PRKAR1A: variants seen among roughly 807,000 people sequenced by gnomAD.
PRKAR1A encodes the protein cAMP-dependent protein kinase type I-alpha regulatory subunit.
In PRKAR1A, 3 loss-of-function variants were observed where a neutral mutation model predicts 52.0. The ratio of observed to expected loss-of-function variants is 0.06; its 90% CI spans 0.03 to 0.15. The LOEUF (loss-of-function observed/expected upper bound fraction) is 0.15, where lower values mean the gene tolerates loss of function less well. Ranked by LOEUF, PRKAR1A falls within the 10% of genes least tolerant of loss-of-function variation. PRKAR1A has a pLI of 1.00. For missense variants in PRKAR1A, 240 were observed against 477.4 expected, an observed-to-expected ratio of 0.50 and a Z score of 4.63; for synonymous variants, 188 against 168.4, an observed-to-expected ratio of 1.12 and a Z score of -0.90.
the PRKAR1A span, chr17:68,433,670 T>A: frequency 2.1e-6 from 2 of 954,824 alleles, no homozygotes; most frequent in Non-Finnish European, 1.6e-6. Context: ...ATCAGATGTA[T>A]CCTGAAGAGC....
At chr17:68,491,500 A>G in the PRKAR1A span, among the ~76,000 whole-genome samples, 1 of 152,160 alleles carries the variant, frequency 6.6e-6, no homozygotes, top group Admixed American at 6.5e-5. Context: ...CCTCCCTGCA[A>G]GATTTGAATA....
intron 2 of PRKAR1A, among the ~76,000 whole-genome samples, chr17:68,522,552 G>A (rs558728826): frequency 1.3e-5 from 2 of 152,278 alleles, no homozygotes; most frequent in East Asian, 3.9e-4. Flanking sequence ...GATAGCATCT[G>A]TTATCATCTG....
the PRKAR1A span, among the ~76,000 whole-genome samples, chr17:68,478,873 A>G: frequency 9.2e-5 from 14 of 152,104 alleles, no homozygotes; most frequent in African/African-American, 3.4e-4. Context: ...GATTACAGGC[A>G]CACGCCACCA....
Position 68,530,167 on chromosome 17 carries a change from A to G in PRKAR1A, c.974-110A>G, listed in dbSNP as rs2085930827. ...TGAGATTTTGATCTTTACTCATTTA[A>G]TGAAATTACTGATTGTCTCATATCT... On this transcript the variant is annotated intron_variant, in intron 10 of 10. Coordinates refer to ENST00000589228, the MANE Select transcript of PRKAR1A (RefSeq NM_002734.5). 7 of 1,510,096 alleles carry G rather than the reference A, an allele frequency of 4.6e-6. No homozygotes were observed. In the South Asian group the frequency reaches 6.8e-5, roughly 15 times the overall value. 93.5% of individuals were successfully genotyped at this position (1,510,096 alleles called of 1,614,324 possible).
chr17:68,543,832 A>T (rs2086423207), intron 11 of PRKAR1A: 9 of 929,738 alleles, frequency 9.7e-6, no homozygotes, highest in Non-Finnish European at 1.6e-5. Context: ...TATGCTTTTC[A>T]TGTACACACA....
Position 68,542,301 on chromosome 17 carries a change from A to G in PRKAR1A, c.974-8783A>G, listed in dbSNP as rs2086337052. 1.2e-5 allele frequency: 12 copies of G among 997,766 alleles called. No individual in the cohort carries two copies. The South Asian group carries it at 1.8e-4, about 15-fold the overall frequency. The allele number at this position is 997,766 out of a possible 1,614,324, so 61.8% of individuals were successfully genotyped here. A position where few individuals can be genotyped will look rare whatever the true frequency, so the allele number is the denominator to read the frequency against. On this transcript the variant is annotated intron_variant, in intron 11 of 11. Coordinates refer to the PRKAR1A transcript ENST00000585981. Reference sequence around the variant, plus strand: ...CGGGAAGAGAAAGAAGAAGAAGGAAACATTGACTTTTCCAGAAGTGAGGGT... The same window carrying G: ...CGGGAAGAGAAAGAAGAAGAAGGAAGCATTGACTTTTCCAGAAGTGAGGGT...
chr17:68,481,611 C>A, the PRKAR1A span, among the ~76,000 whole-genome samples: 1 of 152,146 alleles, frequency 6.6e-6, no homozygotes, highest in Non-Finnish European at 1.5e-5. Flanking sequence ...GGTTGGGTAC[C>A]CCTGCATTAA....
chr17:68,501,947 T>A, the PRKAR1A span, among the ~76,000 whole-genome samples: 1 of 152,224 alleles, frequency 6.6e-6, no homozygotes, highest in Non-Finnish European at 1.5e-5. Context: ...GTCCTTCCTG[T>A]CTCCTCCTTA....
intron 9 of PRKAR1A, 119 bp downstream of exon 9, chr17:68,529,110 G>C: frequency 8.2e-7 from 1 of 1,224,042 alleles, no homozygotes; most frequent in Middle Eastern, 2.8e-4. Flanking sequence ...TATAGCTTTA[G>C]TTTTTAAGAA....
Position 68,529,927 on chromosome 17 carries a change from C to G in PRKAR1A, c.899C>G (p.Ala300Gly), listed in dbSNP as rs765989838. The part of the protein sequence containing the change: ...DEFFIILEGS[A>G]AVLQRRSENE... ...TTGGTGATTTTATTATAGGGGTCAG[C>G]TGCTGTGCTACAACGTCGGTCAGAA... Residue 300 changes from alanine to glycine, a missense_variant, in exon 10 of 11, where the codon GCT becomes GGT. Transcript: ENST00000589228. 5 of 1,614,048 alleles carry G rather than the reference C, an allele frequency of 3.1e-6. No homozygotes were observed. The South Asian group carries it at 4.4e-5, about 14-fold the overall frequency.
At chr17:68,506,301 A>C in the PRKAR1A span, among the ~76,000 whole-genome samples, 1 of 151,898 alleles carries the variant, frequency 6.6e-6, no homozygotes, top group African/African-American at 2.4e-5. Context: ...CCTCTACCTG[A>C]AATACCAGGC....
At chr17:68,503,729 G>T in the PRKAR1A span, among the ~76,000 whole-genome samples, 1 of 152,214 alleles carries the variant, frequency 6.6e-6, no homozygotes, top group East Asian at 1.9e-4. Context: ...ATGGGCAAAA[G>T]ATCTGAATAG....
chr17:68,549,061 G>A (rs1261420558), intron 11 of PRKAR1A, among the ~76,000 whole-genome samples: 1 of 152,202 alleles, frequency 6.6e-6, no homozygotes, highest in Non-Finnish European at 1.5e-5. Flanking sequence ...TGACCAGGCA[G>A]AGATGTATTA....
chr17:68,426,184 C>A, the PRKAR1A span: 1 of 1,576,752 alleles, frequency 6.3e-7, no homozygotes, highest in Non-Finnish European at 8.6e-7. Context: ...ACCTGGAAAC[C>A]AAGAAAGAGA....
At chr17:68,436,997 AAAAAAAAAATAT>A in the PRKAR1A span, among the ~76,000 whole-genome samples, 6 of 58,956 alleles carry the variant, frequency 1.0e-4, no homozygotes, top group African/African-American at 2.3e-4. Context: ...CCGTCTCAAA[AAAAAAAAAATAT>A]ATATATATGT....
At chr17:68,505,818 TCA>T in the PRKAR1A span, among the ~76,000 whole-genome samples, 13 of 152,298 alleles carry the variant, frequency 8.5e-5, no homozygotes, top group South Asian at 8.3e-4. Flanking sequence ...AGATCCTGTT[TCA>T]CACACACAGA....
Position 68,532,070 on chromosome 17 carries a change from G to A in PRKAR1A, c.*1621G>A. The A allele has an allele frequency of 9.4e-7, 1 of 1,065,258 alleles. No homozygotes were observed. The highest frequency in any genetic ancestry group is 1.1e-6 in the Non-Finnish European group (1 of 879,056). 66.0% of individuals were successfully genotyped at this position (1,065,258 alleles called of 1,614,324 possible). On this transcript the variant is annotated 3_prime_UTR_variant, in exon 11 of 11. Coordinates refer to ENST00000589228, the MANE Select transcript of PRKAR1A (RefSeq NM_002734.5). Reference sequence around the variant, plus strand: ...GTTACCAAGTATGAAGTATAAATCTGGGGAAGAGGTTTTATTTACATTTTA... The same window carrying A: ...GTTACCAAGTATGAAGTATAAATCTAGGGAAGAGGTTTTATTTACATTTTA...
the PRKAR1A span, among the ~76,000 whole-genome samples, chr17:68,487,368 G>C: frequency 6.6e-6 from 1 of 152,144 alleles, no homozygotes; most frequent in South Asian, 2.1e-4. Context: ...AGGCTACCAA[G>C]TTAATTAATC....
At chr17:68,433,778 T>G in the PRKAR1A span, among the ~76,000 whole-genome samples, 2 of 65,754 alleles carry the variant, frequency 3.0e-5, no homozygotes, top group African/African-American at 9.3e-5. Flanking sequence ...TTTTTTTTTT[T>G]TTTTTTTTTT....
Sources: allele counts gnomAD v4.1 joint callset (sites outside exome capture counted in the v4.1 genomes callset), GRCh38; gene constraint gnomAD v4.1.1; transcripts MANE v1.5; gene names NCBI Gene and HGNC (gene_info 2026-07-23, HGNC 2026-07-21).